The following MYCBP variants were observed in gnomAD, a reference collection of about 807,000 sequenced individuals.
MYCBP encodes C-Myc-binding protein.
A neutral mutation model predicts 16.8 loss-of-function variants in MYCBP; 5 were observed. That is an observed-to-expected ratio of 0.30 (90% CI 0.16 to 0.63). The LOEUF is 0.63. Ranked by LOEUF, MYCBP falls within the 20% of genes least tolerant of loss-of-function variation. MYCBP has a pLI of 0.83. For synonymous variants in MYCBP, 35 were observed against 43.7 expected, an observed-to-expected ratio of 0.80 and a Z score of 0.79; for missense variants, 103 against 121.8, an observed-to-expected ratio of 0.85 and a Z score of 0.73.
chr1:38,867,071 G>T, intron 3 of MYCBP, 62 bp from the exon 4 acceptor site: 1 of 1,470,912 alleles, frequency 6.8e-7, no homozygotes. Flanking sequence ...ATAGCACAGA[G>T]TAGTATCAAT....
At chr1:38,872,908 C>T (rs1642496344) in intron 2 of MYCBP, 110 bp downstream of exon 2, 2 of 1,270,932 alleles carry the variant, frequency 1.6e-6, no homozygotes, top group Admixed American at 4.6e-5. Flanking sequence ...GGACCCCGGA[C>T]GGGCCCCATC....
chr1:38,868,698 G>A (rs544381870), intron 2 of MYCBP, among the ~76,000 whole-genome samples: 1 of 152,130 alleles, frequency 6.6e-6, no homozygotes, highest in African/African-American at 2.4e-5. Context: ...GAAGTCAGGA[G>A]ATCAAGACCA....
rs1048730974 is a variant in MYCBP at position 38,863,905 on chromosome 1, C to G, written c.*765G>C. The G allele has an allele frequency of 3.9e-5, 6 of 152,424 alleles. No individual in the cohort carries two copies. The highest frequency in any genetic ancestry group is 1.2e-4 in the African/African-American group (5 of 41,428). 9.4% of individuals were successfully genotyped at this position (152,424 alleles called of 1,614,324 possible). Reference sequence around the variant, plus strand: ...ACCCAGAGTTGTATATTGCCTCTGTCCTGTGCTCAGTAAGCAAATAAGGCA... The same window carrying G: ...ACCCAGAGTTGTATATTGCCTCTGTGCTGTGCTCAGTAAGCAAATAAGGCA... On this transcript the variant is annotated 3_prime_UTR_variant, in exon 5 of 5. Coordinates refer to ENST00000397572, the MANE Select transcript of MYCBP (RefSeq NM_012333.5).
rs1642508757 is a variant in MYCBP at position 38,873,308 on chromosome 1, T to C, written c.-3A>G. 1 of 1,602,536 alleles carries C rather than the reference T, an allele frequency of 6.2e-7. No individual in the cohort carries two copies. The highest frequency in any genetic ancestry group is 8.5e-7 in the Non-Finnish European group (1 of 1,178,946). On this transcript the variant is annotated 5_prime_UTR_variant, in exon 1 of 5. Coordinates refer to ENST00000397572, the MANE Select transcript of MYCBP (RefSeq NM_012333.5). The stretch of plus-strand genomic sequence containing the variant: ...CCCCTCACTTTGTAATGGGCCATAG[T>C]GACAGCGGCAGCGGCGTAGCTGGCG...
At chr1:38,872,370 T>C (rs1341082901) in intron 2 of MYCBP, among the ~76,000 whole-genome samples, 1 of 152,242 alleles carries the variant, frequency 6.6e-6, no homozygotes, top group Non-Finnish European at 1.5e-5. Context: ...AACTTAGATC[T>C]TGAAGCCACG....
chr1:38,866,685 G>C (rs572248159), intron 4 of MYCBP, among the ~76,000 whole-genome samples, 195 bp downstream of exon 4: 16 of 152,286 alleles, frequency 1.1e-4, no homozygotes, highest in Admixed American at 3.3e-4. Flanking sequence ...AAAGTGCTGG[G>C]ATTACAGGCG....
At chr1:38,866,079 A>ATTTTTTTTTTTTTTTTTTT (rs1362957686) in intron 4 of MYCBP, among the ~76,000 whole-genome samples, 3 of 81,300 alleles carry the variant, frequency 3.7e-5, no homozygotes, top group African/African-American at 1.8e-4. Context: ...ACAGAGTTTC[A>ATTTTTTTTTTTTTTTTTTT]TTCTTGTTGC....
chr1:38,867,185 G>A (rs1180275430), intron 3 of MYCBP, among the ~76,000 whole-genome samples, 176 bp from the exon 4 acceptor site: 2 of 152,124 alleles, frequency 1.3e-5, no homozygotes, highest in Non-Finnish European at 2.9e-5. Context: ...GGTTGCTCAC[G>A]CCTGTAATCC....
intron 2 of MYCBP, among the ~76,000 whole-genome samples, chr1:38,871,208 C>A (rs553441121): frequency 7.6e-4 from 116 of 152,288 alleles, no homozygotes; most frequent in Admixed American, 1.8e-3. Context: ...CCGCTGCACT[C>A]CAGCCTGGGC....
intron 2 of MYCBP, 91 bp downstream of exon 2, chr1:38,872,927 C>T (rs1642496873): frequency 3.5e-6 from 5 of 1,440,076 alleles, no homozygotes; most frequent in South Asian, 1.3e-5. Flanking sequence ...TCTGTTTCCC[C>T]TCCTTCCCCA....
At chr1:38,867,047 A>G in intron 3 of MYCBP, 38 bp from the exon 4 acceptor site, 1 of 1,553,610 alleles carries the variant, frequency 6.4e-7, no homozygotes, top group Non-Finnish European at 8.8e-7. Flanking sequence ...TTAGACATGA[A>G]TGAAACTAAT....
intron 3 of MYCBP, 52 bp downstream of exon 3, chr1:38,867,510 C>A: frequency 7.3e-7 from 1 of 1,369,782 alleles, no homozygotes; most frequent in South Asian, 1.2e-5. Flanking sequence ...TATTATCTAT[C>A]TAAAAAAATA....
intron 4 of MYCBP, among the ~76,000 whole-genome samples, chr1:38,865,331 A>G (rs919747165): frequency 2.6e-5 from 4 of 152,222 alleles, no homozygotes; most frequent in African/African-American, 9.7e-5. Context: ...CCTCACCTAT[A>G]AAGTGGCTTG....
Position 38,873,210 on chromosome 1 carries a change from C to A in MYCBP, c.15+81G>T. 11 of 1,572,414 alleles carry A rather than the reference C, an allele frequency of 7.0e-6. No homozygotes were observed. The South Asian group carries it at 1.3e-4, about 18-fold the overall frequency. On this transcript the variant is annotated intron_variant, in intron 1 of 4. Transcript: ENST00000397572. ...CGGGGCCCTCCCGCCCAAACCTGCG[C>A]GCGCGACCCCACTCCCACCCAGAGC...
chr1:38,869,761 T>C (rs529121043), intron 2 of MYCBP, among the ~76,000 whole-genome samples: 83 of 152,106 alleles, frequency 5.5e-4, no homozygotes, highest in African/African-American at 1.9e-3. Context: ...TGTAAAAATT[T>C]AGGCCAAAGT....
Position 38,866,939 on chromosome 1 carries a change from C to T in MYCBP, c.208G>A (p.Ala70Thr). ...GCTTCATACTTCTCTTTCATTTCGG[C>T]CAGTTCTAGGCGAAGCAGCTCTATT... ...PEIELLRLEL[A>T]EMKEKYEAIV... The change falls in exon 4 of 5, where the codon GCC (alanine) becomes ACC (threonine). Residue 70 changes from alanine (A) to threonine (T), a missense_variant. Transcript: ENST00000397572. 6.3e-7 allele frequency: 1 copy of T among 1,598,502 alleles called. No individual in the cohort carries two copies. Among genetic ancestry groups the T allele is most frequent in the Non-Finnish European group, 8.5e-7 (1 of 1,174,488 alleles).
Position 38,864,197 on chromosome 1 carries a change from CAA to C in MYCBP, c.*471_*472del, listed in dbSNP as rs758146111. ...AGTTATTTGTTCCATGTCACACAAA[CAA>C]GAGCAGAAGATTCATGGGAACCCGT... On this transcript the variant is annotated 3_prime_UTR_variant, in exon 5 of 5. Coordinates refer to ENST00000397572, the MANE Select transcript of MYCBP (RefSeq NM_012333.5). 51 of 156,260 alleles carry C rather than the reference CAA, an allele frequency of 3.3e-4. No homozygotes were observed. Among genetic ancestry groups the C allele is most frequent in the Non-Finnish European group, 6.5e-4 (46 of 70,462 alleles). The allele number at this position is 156,260 out of a possible 1,614,324, so 9.7% of individuals were successfully genotyped here. A position where few individuals can be genotyped will look rare whatever the true frequency, so the allele number is the denominator to read the frequency against.
At chr1:38,873,111 A>G in intron 1 of MYCBP, 21 bp from the exon 2 acceptor site, 2 of 1,555,874 alleles carry the variant, frequency 1.3e-6, no homozygotes, top group African/African-American at 1.4e-5. Context: ...ACCGGGGGTC[A>G]GTGGCCAGAG....
intron 2 of MYCBP, among the ~76,000 whole-genome samples, chr1:38,871,572 C>T (rs1642468496): frequency 6.7e-6 from 1 of 149,540 alleles, no homozygotes; most frequent in Non-Finnish European, 1.5e-5. Flanking sequence ...CACACCATGC[C>T]CAGCAATTTT....
Sources: allele counts gnomAD v4.1 joint callset (sites outside exome capture counted in the v4.1 genomes callset), GRCh38; gene constraint gnomAD v4.1.1; transcripts MANE v1.5; gene names NCBI Gene and HGNC (gene_info 2026-07-23, HGNC 2026-07-21).